LSAMP: variants seen among roughly 807,000 people sequenced by gnomAD.
The protein encoded by LSAMP is limbic system associated membrane protein.
LSAMP carries 7 observed loss-of-function variants against 38.6 expected under a neutral mutation model. The ratio of observed to expected loss-of-function variants is 0.18; its 90% CI spans 0.10 to 0.34. The LOEUF (loss-of-function observed/expected upper bound fraction) is 0.34, where lower values mean the gene tolerates loss of function less well. LSAMP is among the 10% of genes least tolerant of loss of function. The pLI is 1.00. For missense variants in LSAMP, 313 were observed against 420.0 expected (o/e 0.75, Z 2.23); for synonymous variants, 154 against 166.8 (o/e 0.92, Z 0.59).
At chr3:116,146,662 G>A (rs1446486146) in intron 1 of LSAMP, among the ~76,000 whole-genome samples, 1 of 151,884 alleles carries the variant, frequency 6.6e-6, no homozygotes, top group Non-Finnish European at 1.5e-5. Flanking sequence ...AGAAGATGTT[G>A]ACATGATAGT....
At chr3:115,924,692 G>A (rs1397391276) in intron 3 of LSAMP, among the ~76,000 whole-genome samples, 1 of 152,136 alleles carries the variant, frequency 6.6e-6, no homozygotes, top group Non-Finnish European at 1.5e-5. Context: ...TTTTTAGGAA[G>A]GCATTACAGG....
At chr3:116,005,409 C>G (rs901921488) in intron 3 of LSAMP, among the ~76,000 whole-genome samples, 16 of 152,102 alleles carry the variant, frequency 1.1e-4, no homozygotes, top group Non-Finnish European at 1.5e-5. Context: ...CATCCCAGTC[C>G]CCAGTCTCAC....
intron 6 of LSAMP, among the ~76,000 whole-genome samples, chr3:115,815,868 A>C (rs1020499217): frequency 6.6e-6 from 1 of 152,142 alleles, no homozygotes; most frequent in African/African-American, 2.4e-5. Context: ...ACCTTCTAGC[A>C]CTGGCCATAA....
intron 3 of LSAMP, among the ~76,000 whole-genome samples, chr3:115,998,138 A>G (rs78677265): frequency 0.018 from 2,677 of 151,550 alleles, 87 homozygotes; most frequent in African/African-American, 0.062. Context: ...CTAGTTGACA[A>G]CCACTCAACT....
chr3:115,859,733 G>A (rs1935619220), intron 3 of LSAMP, among the ~76,000 whole-genome samples: 3 of 152,216 alleles, frequency 2.0e-5, no homozygotes, highest in Admixed American at 2.0e-4. Context: ...CTGGCATCCA[G>A]AGAGATCCAA....
chr3:115,864,910 T>C (rs941733061), intron 3 of LSAMP, among the ~76,000 whole-genome samples: 1 of 152,202 alleles, frequency 6.6e-6, no homozygotes, highest in South Asian at 2.1e-4. Context: ...TACTCAATCA[T>C]TTGTTTATAT....
At chr3:116,348,517 T>C (rs143098717) in intron 1 of LSAMP, among the ~76,000 whole-genome samples, 3 of 152,122 alleles carry the variant, frequency 2.0e-5, no homozygotes, top group Admixed American at 2.0e-4. Flanking sequence ...TTGCTAGGAA[T>C]AGGCATTTTT....
chr3:116,263,698 CT>C (rs2107661270), intron 1 of LSAMP, among the ~76,000 whole-genome samples: 1 of 151,626 alleles, frequency 6.6e-6, no homozygotes, highest in East Asian at 1.9e-4. Context: ...TTTTTAAGTA[CT>C]GATCTAGATA....
At chr3:116,183,288 G>C (rs1037940226) in intron 1 of LSAMP, among the ~76,000 whole-genome samples, 1 of 151,864 alleles carries the variant, frequency 6.6e-6, no homozygotes, top group African/African-American at 2.4e-5. Flanking sequence ...AAGTACCAGA[G>C]AAATTCAATT....
At chr3:115,973,432 C>G (rs1939079878) in intron 3 of LSAMP, among the ~76,000 whole-genome samples, 1 of 152,040 alleles carries the variant, frequency 6.6e-6, no homozygotes, top group South Asian at 2.1e-4. Context: ...CAAGTCTAGG[C>G]ATAAAATTAA....
chr3:115,840,353 C>G (rs954891384), intron 6 of LSAMP, among the ~76,000 whole-genome samples: 5 of 151,932 alleles, frequency 3.3e-5, no homozygotes, highest in Admixed American at 1.3e-4. Flanking sequence ...CCCCCCGCAC[C>G]CCCCCTCTCC....
At chr3:116,148,468 C>T (rs917102775) in intron 1 of LSAMP, among the ~76,000 whole-genome samples, 2 of 152,040 alleles carry the variant, frequency 1.3e-5, no homozygotes, top group East Asian at 1.9e-4. Context: ...GTTGCTACAA[C>T]ATAAAGGACA....
At chr3:115,840,616 C>A (rs1018201447) in intron 6 of LSAMP, among the ~76,000 whole-genome samples, 1 of 152,096 alleles carries the variant, frequency 6.6e-6, no homozygotes, top group Non-Finnish European at 1.5e-5. Context: ...AACTAAAGGC[C>A]GAAGTTAGAG....
intron 1 of LSAMP, among the ~76,000 whole-genome samples, chr3:116,400,676 C>T (rs1236779974): frequency 6.6e-6 from 1 of 152,020 alleles, no homozygotes; most frequent in African/African-American, 2.4e-5. Context: ...CGGGGTTTCA[C>T]CACGTTAGCC....
chr3:116,081,314 C>T (rs186396663), intron 2 of LSAMP, among the ~76,000 whole-genome samples: 1 of 152,054 alleles, frequency 6.6e-6, no homozygotes, highest in Non-Finnish European at 1.5e-5. Flanking sequence ...ATTAGGCAGG[C>T]ATGATGGCAC....
chr3:116,152,213 T>C (rs1351428534), intron 1 of LSAMP, among the ~76,000 whole-genome samples: 1 of 152,110 alleles, frequency 6.6e-6, no homozygotes, highest in Non-Finnish European at 1.5e-5. Context: ...AGTCTTGCAA[T>C]ACACTCTACT....
rs1935030176 is a variant in LSAMP at position 115,842,511 on chromosome 3, A to G, written c.717T>C (p.Cys239=). The G allele has an allele frequency of 6.2e-7, 1 of 1,613,880 alleles. No individual in the cohort carries two copies. Among genetic ancestry groups the G allele is most frequent in the African/African-American group, 1.3e-5 (1 of 74,920 alleles). Residue 239 remains cysteine (C), a synonymous_variant, in exon 5 of 7, where the codon TGT becomes TGC. Coordinates refer to ENST00000490035, the MANE Select transcript of LSAMP (RefSeq NM_002338.5). Reference sequence around the variant, plus strand: ...CAGGTGCAGGCACTGCCGAGGCCTCACATTTGAGTGAAGCTTGTCGTCCTG... The same window carrying G: ...CAGGTGCAGGCACTGCCGAGGCCTCGCATTTGAGTGAAGCTTGTCGTCCTG... The part of the protein sequence containing the change: ...ATTGRQASLK[C]EASAVPAPDF...
At chr3:116,206,921 T>C (rs1206338882) in intron 1 of LSAMP, among the ~76,000 whole-genome samples, 7 of 150,522 alleles carry the variant, frequency 4.7e-5, no homozygotes, top group East Asian at 3.9e-4. Flanking sequence ...CTATTAGGTC[T>C]GCTTGGTGCA....
intron 1 of LSAMP, chr3:116,368,311 C>G (rs1026031372): frequency 6.6e-6 from 1 of 152,120 alleles, no homozygotes; most frequent in Non-Finnish European, 1.5e-5. Flanking sequence ...GCATTTGCCA[C>G]AAGTCAGGCA....
Sources: allele counts gnomAD v4.1 joint callset (sites outside exome capture counted in the v4.1 genomes callset), GRCh38; gene constraint gnomAD v4.1.1; transcripts MANE v1.5; gene names NCBI Gene and HGNC (gene_info 2026-07-23, HGNC 2026-07-21).